The following RHOT1 variants were observed in gnomAD, a reference collection of about 807,000 sequenced individuals.
RHOT1 encodes the protein ras homolog family member T1.
A neutral mutation model predicts 95.3 loss-of-function variants in RHOT1; 27 were observed. That is an observed-to-expected ratio of 0.28 (90% confidence interval 0.21 to 0.39). The LOEUF is 0.39. RHOT1 is among the 10% of genes least tolerant of loss of function. The pLI is 1.00. For synonymous variants in RHOT1, 227 were observed against 263.5 expected (o/e 0.86, Z 1.34); for missense variants, 578 against 786.7 (o/e 0.73, Z 3.17).
chr17:32,208,264 C>G lies in RHOT1; in HGVS notation c.1694C>G (p.Pro565Arg), dbSNP rs746058428. ...TTCACTTGCAATACTGCTGATGCCCCCAGTAAGGATATCTTTGTTAAATTG... is the reference window on the plus strand; with the variant it reads ...TTCACTTGCAATACTGCTGATGCCCGCAGTAAGGATATCTTTGTTAAATTG... ...QAFTCNTADA[P>R]SKDIFVKLTT... Residue 565 changes from proline to arginine, a missense_variant, in exon 18 of 20, where the codon CCC becomes CGC. Physicochemically the swap from Pro to Arg is moderately radical, Grantham distance 103. Transcript: ENST00000545287. 6.2e-7 allele frequency: 1 copy of G among 1,614,034 alleles called. No individual in the cohort carries two copies. Among genetic ancestry groups the G allele is most frequent in the Admixed American group, 1.7e-5 (1 of 60,010 alleles).
intron 1 of RHOT1, among the ~76,000 whole-genome samples, chr17:32,149,617 A>ATGTG (rs1290539388): frequency 1.8e-4 from 15 of 83,666 alleles, no homozygotes; most frequent in African/African-American, 8.8e-4. Flanking sequence ...ATATATATAT[A>ATGTG]TATATATATA....
chr17:32,163,120 GATA>G (rs2033715703), intron 1 of RHOT1, among the ~76,000 whole-genome samples: 1 of 152,190 alleles, frequency 6.6e-6, no homozygotes, highest in Non-Finnish European at 1.5e-5. Context: ...TGGTGTGGTA[GATA>G]ATTGAGAGTC....
At chr17:32,210,565 AG>A (rs2038060260) in intron 18 of RHOT1, among the ~76,000 whole-genome samples, 1 of 152,198 alleles carries the variant, frequency 6.6e-6, no homozygotes, top group Non-Finnish European at 1.5e-5. Context: ...TTTGAGAGCC[AG>A]GGTGCTTGAT....
chr17:32,175,440 T>C (rs900395204), intron 4 of RHOT1, 78 bp downstream of exon 4: 10 of 1,327,688 alleles, frequency 7.5e-6, no homozygotes, highest in Non-Finnish European at 9.8e-6. Flanking sequence ...TTTTTCATTC[T>C]CTTTGTTTGT....
intron 1 of RHOT1, among the ~76,000 whole-genome samples, chr17:32,169,475 T>C (rs1311197572): frequency 6.6e-6 from 1 of 152,218 alleles, no homozygotes. Context: ...GAGACTTTCT[T>C]TGCTTTTACC....
intron 1 of RHOT1, among the ~76,000 whole-genome samples, chr17:32,159,105 G>C (rs891423276): frequency 6.6e-6 from 1 of 152,186 alleles, no homozygotes; most frequent in Non-Finnish European, 1.5e-5. Flanking sequence ...TGTCTCAGGA[G>C]CCCATGAGCA....
chr17:32,212,630 A>G lies in RHOT1; in HGVS notation c.1862+1392A>G, dbSNP rs546535335. On this transcript the variant is annotated intron_variant, in intron 19 of 19. Coordinates refer to ENST00000545287, the MANE Select transcript of RHOT1 (RefSeq NM_001033566.3). Reference sequence around the variant, plus strand: ...CTGAGAGAGTGCTGTTTATCTGCTGATGGCTTGCCTCATTGGAAAGCATTT... The same window carrying G: ...CTGAGAGAGTGCTGTTTATCTGCTGGTGGCTTGCCTCATTGGAAAGCATTT... Among the ~76,000 whole-genome samples, 4 of 152,294 alleles carry G rather than the reference A, an allele frequency of 2.6e-5. No individual in the cohort carries two copies. The East Asian group carries it at 5.8e-4, about 22-fold the overall frequency.
Position 32,204,690 on chromosome 17 carries a change from A to G in RHOT1, c.1416+717A>G, listed in dbSNP as rs116828062. Among the ~76,000 whole-genome samples, 532 of 151,144 alleles carry G rather than the reference A, an allele frequency of 3.5e-3. 6 individuals carry two copies. The highest frequency in any genetic ancestry group is 0.012 in the African/African-American group (496 of 41,194). ...TGTATGTTAGCTATACCACAATAAG[A>G]AAGTTGAGAAAAATGGGTTAGGCAT... On this transcript the variant is annotated intron_variant, in intron 16 of 19. Coordinates refer to ENST00000545287, the MANE Select transcript of RHOT1 (RefSeq NM_001033566.3).
At chr17:32,198,262 G>C (rs2037051751) in intron 11 of RHOT1, among the ~76,000 whole-genome samples, 1 of 152,208 alleles carries the variant, frequency 6.6e-6, no homozygotes, top group African/African-American at 2.4e-5. Flanking sequence ...AAGTCAGGTA[G>C]AAATAACTTC....
At chr17:32,153,413 C>A (rs530099796) in intron 1 of RHOT1, among the ~76,000 whole-genome samples, 30 of 152,278 alleles carry the variant, frequency 2.0e-4, no homozygotes, top group Non-Finnish European at 3.2e-4. Flanking sequence ...AATGCCAGCA[C>A]TTTGGGAGGC....
intron 1 of RHOT1, among the ~76,000 whole-genome samples, chr17:32,144,820 CAA>C (rs36027822): frequency 5.0e-5 from 7 of 140,580 alleles, no homozygotes; most frequent in African/African-American, 1.8e-4. Flanking sequence ...GACCCCGCCT[CAA>C]AAAAAAAAAA....
At chr17:32,194,260 T>C (rs2036706416) in intron 11 of RHOT1, among the ~76,000 whole-genome samples, 153 bp downstream of exon 11, 1 of 152,192 alleles carries the variant, frequency 6.6e-6, no homozygotes, top group Admixed American at 6.5e-5. Context: ...CATTGAGCCA[T>C]GCCCAGTCAC....
At chr17:32,204,977 C>T (rs61671262) in intron 16 of RHOT1, among the ~76,000 whole-genome samples, 3,064 of 148,294 alleles carry the variant, frequency 0.021, 94 homozygotes, top group African/African-American at 0.072. Context: ...AGTGAGACTC[C>T]GTCTCAAAAA....
chr17:32,196,519 G>T (rs1298808238), intron 11 of RHOT1, among the ~76,000 whole-genome samples: 1 of 152,098 alleles, frequency 6.6e-6, no homozygotes, highest in Non-Finnish European at 1.5e-5. Context: ...AACATGGTTT[G>T]CAAGGTCATT....
At chr17:32,186,502 T>C (rs1383575453) in intron 8 of RHOT1, among the ~76,000 whole-genome samples, 2 of 151,872 alleles carry the variant, frequency 1.3e-5, no homozygotes, top group Non-Finnish European at 2.9e-5. Context: ...TAGCTGGAAC[T>C]ACAGGCGCCC....
At chr17:32,218,026 C>A (rs1567733386) in intron 19 of RHOT1, among the ~76,000 whole-genome samples, 2 of 151,704 alleles carry the variant, frequency 1.3e-5, no homozygotes. Flanking sequence ...CCACACCTGG[C>A]TAATTTTTTG....
At chr17:32,182,001 G>A (rs1446667771) in intron 6 of RHOT1, among the ~76,000 whole-genome samples, 1 of 152,076 alleles carries the variant, frequency 6.6e-6, no homozygotes, top group East Asian at 1.9e-4. Context: ...GCTCTTCCCT[G>A]ACTCTACATG....
intron 15 of RHOT1, 109 bp from the exon 16 acceptor site, chr17:32,203,781 G>T (rs1210025029): frequency 1.6e-5 from 12 of 751,418 alleles, no homozygotes; most frequent in Non-Finnish European, 2.8e-5. Flanking sequence ...CACAGTGTAG[G>T]GAAGAATGCC....
intron 8 of RHOT1, among the ~76,000 whole-genome samples, chr17:32,191,120 T>A (rs2036461010): frequency 6.6e-6 from 1 of 152,172 alleles, no homozygotes; most frequent in Non-Finnish European, 1.5e-5. Context: ...ATGTTTGACT[T>A]CTTTTTCTCG....
Sources: allele counts gnomAD v4.1 joint callset (sites outside exome capture counted in the v4.1 genomes callset), GRCh38; gene constraint gnomAD v4.1.1; transcripts MANE v1.5; gene names NCBI Gene and HGNC (gene_info 2026-07-23, HGNC 2026-07-21).